DPP6: variants seen among roughly 807,000 people sequenced by gnomAD.
The protein encoded by DPP6 is dipeptidyl peptidase like 6.
DPP6 carries 69 observed loss-of-function variants against 122.6 expected under a neutral mutation model. That is an observed-to-expected ratio of 0.56 (90% CI 0.46 to 0.69). DPP6 has a LOEUF of 0.69. DPP6 is among the 30% of genes least tolerant of loss of function. The pLI, the probability that DPP6 is intolerant of heterozygous loss-of-function variation, is 0.00. For missense variants in DPP6, 928 were observed against 1,116.9 expected (o/e 0.83, Z 2.41); for synonymous variants, 418 against 433.1 (o/e 0.97, Z 0.43).
At chr7:154,864,040 C>G (rs1279115815) in intron 17 of DPP6, among the ~76,000 whole-genome samples, 2 of 152,116 alleles carry the variant, frequency 1.3e-5, no homozygotes, top group Non-Finnish European at 2.9e-5. Context: ...AGCAGAAATA[C>G]AGCAGGAGAG....
rs1249082138 is a variant in DPP6 at position 154,396,763 on chromosome 7, C to T, written c.244-49451C>T. On this transcript the variant is annotated intron_variant, in intron 1 of 25. Transcript: ENST00000377770. Reference sequence around the variant, plus strand: ...GTTCAAGACTAGCCTGGCCAACATGCCGAAACCTTGTTTCTACTAAAAACA... The same window carrying T: ...GTTCAAGACTAGCCTGGCCAACATGTCGAAACCTTGTTTCTACTAAAAACA... Among the ~76,000 whole-genome samples, 3 of 152,118 alleles carry T rather than the reference C, an allele frequency of 2.0e-5. No homozygotes were observed. In the East Asian group the frequency reaches 5.8e-4, roughly 29 times the overall value.
At chr7:153,860,749 A>C in the DPP6 span, among the ~76,000 whole-genome samples, 3 of 152,126 alleles carry the variant, frequency 2.0e-5, no homozygotes, top group Non-Finnish European at 4.4e-5. Flanking sequence ...GTTGTCCTTT[A>C]AATCACACCT....
intron 1 of DPP6, among the ~76,000 whole-genome samples, chr7:154,128,371 G>A (rs1394693771): frequency 5.9e-5 from 9 of 152,206 alleles, no homozygotes; most frequent in Non-Finnish European, 1.0e-4. Flanking sequence ...CTTGAGCCCA[G>A]GAATTCGAGA....
At chr7:153,828,592 T>A in the DPP6 span, among the ~76,000 whole-genome samples, 2 of 152,208 alleles carry the variant, frequency 1.3e-5, no homozygotes, top group Non-Finnish European at 2.9e-5. Flanking sequence ...AAAGAAAGTA[T>A]ATCTGATTAA....
chr7:154,339,775 C>T (rs2151057614), intron 1 of DPP6, among the ~76,000 whole-genome samples: 1 of 152,180 alleles, frequency 6.6e-6, no homozygotes, highest in Non-Finnish European at 1.5e-5. Flanking sequence ...GTTATGTGAG[C>T]AGTAGTTTAA....
chr7:154,855,673 C>T (rs1425748263), intron 17 of DPP6, among the ~76,000 whole-genome samples: 2 of 152,220 alleles, frequency 1.3e-5, no homozygotes, highest in Non-Finnish European at 2.9e-5. Flanking sequence ...AGAGGCCAAG[C>T]TAGAACTTCC....
intron 1 of DPP6, among the ~76,000 whole-genome samples, chr7:154,154,589 A>C (rs1796588446): frequency 6.6e-6 from 1 of 152,240 alleles, no homozygotes; most frequent in African/African-American, 2.4e-5. Context: ...ATTGTTATTG[A>C]AGTTTACAGA....
intron 1 of DPP6, among the ~76,000 whole-genome samples, chr7:153,928,396 A>ATTTTTTTTCTTTTTTTTTTTTTTT (rs1801011963): frequency 2.3e-5 from 1 of 43,672 alleles, no homozygotes; most frequent in Non-Finnish European, 4.4e-5. Flanking sequence ...CTTTTCTTTC[A>ATTTTTTTTCTTTTTTTTTTTTTTT]TTTTTTTTTT....
chr7:154,613,383 G>A (rs1203260699), intron 5 of DPP6, among the ~76,000 whole-genome samples: 2 of 152,022 alleles, frequency 1.3e-5, no homozygotes, highest in Non-Finnish European at 2.9e-5. Flanking sequence ...ATTTTGGGTG[G>A]CTGAGGCAGG....
chr7:154,286,774 C>T (rs1804877601), intron 1 of DPP6, among the ~76,000 whole-genome samples: 1 of 151,162 alleles, frequency 6.6e-6, no homozygotes, highest in East Asian at 1.9e-4. Context: ...ATTGTTAACA[C>T]CAGCACCAGT....
chr7:154,391,147 G>C (rs548994595), intron 1 of DPP6, among the ~76,000 whole-genome samples: 1 of 152,196 alleles, frequency 6.6e-6, no homozygotes, highest in Non-Finnish European at 1.5e-5. Flanking sequence ...CGCGGCATCC[G>C]TATGCCCTTG....
the DPP6 span, among the ~76,000 whole-genome samples, chr7:153,861,056 A>T: frequency 1.3e-5 from 2 of 152,128 alleles, no homozygotes; most frequent in African/African-American, 2.4e-5. Flanking sequence ...CTATTTTACC[A>T]TTTGCTAAAT....
intron 3 of DPP6, among the ~76,000 whole-genome samples, chr7:154,513,055 TAA>T (rs747457839): frequency 1.3e-5 from 2 of 152,160 alleles, no homozygotes; most frequent in African/African-American, 2.4e-5. Flanking sequence ...TCCAGTAATC[TAA>T]AAGTGTGACA....
intron 7 of DPP6, among the ~76,000 whole-genome samples, chr7:154,672,833 A>T (rs1838651179): frequency 6.6e-6 from 1 of 152,214 alleles, no homozygotes; most frequent in Non-Finnish European, 1.5e-5. Flanking sequence ...CTTTGCAAAC[A>T]GATAGTTTCT....
chr7:154,463,778 C>T (rs2151323215), intron 2 of DPP6, among the ~76,000 whole-genome samples: 1 of 152,240 alleles, frequency 6.6e-6, no homozygotes, highest in African/African-American at 2.4e-5. Flanking sequence ...ATGAGGGCCT[C>T]ATGACTCTTC....
chr7:154,730,912 T>G (rs892358162), intron 8 of DPP6, among the ~76,000 whole-genome samples: 1 of 152,254 alleles, frequency 6.6e-6, no homozygotes, highest in African/African-American at 2.4e-5. Flanking sequence ...GCAAATCCAT[T>G]GAAAGGACTT....
chr7:154,548,947 A>G (rs1183778814), intron 4 of DPP6, among the ~76,000 whole-genome samples: 1 of 152,206 alleles, frequency 6.6e-6, no homozygotes, highest in Non-Finnish European at 1.5e-5. Flanking sequence ...ATAATAGGCA[A>G]AATGAAAAGG....
rs143045864 is a variant in DPP6 at position 154,633,788 on chromosome 7, A to T, written c.628-4033A>T. Among the ~76,000 whole-genome samples the T allele has an allele frequency of 3.5e-3, 540 of 152,232 alleles. 1 individual carries two copies. Among genetic ancestry groups the T allele is most frequent in the Middle Eastern group, 6.8e-3 (2 of 294 alleles). On this transcript the variant is annotated intron_variant, in intron 5 of 25. Coordinates refer to ENST00000377770, the MANE Select transcript of DPP6 (RefSeq NM_130797.4). The stretch of plus-strand genomic sequence containing the variant: ...GAAGACAATGATATTTTATTGCTTC[A>T]TCTTGGAGCAAGGAGAAAATTGTTT...
At chr7:154,888,842 C>T (rs1248041793) in intron 23 of DPP6, among the ~76,000 whole-genome samples, 1 of 152,206 alleles carries the variant, frequency 6.6e-6, no homozygotes. Flanking sequence ...GCCTCACAAT[C>T]ATGCTGAAGG....
Sources: gnomAD v4.1 joint callset for allele counts (sites outside exome capture counted in the v4.1 genomes callset) on GRCh38, gnomAD v4.1.1 for gene constraint, MANE v1.5 for transcripts, NCBI Gene and HGNC (gene_info 2026-07-23, HGNC 2026-07-21) for gene names.